Variants in NTM observed in about 807,000 individuals in gnomAD.
The protein encoded by NTM is IgLON family member 2.
Under a neutral mutation model 42.1 loss-of-function variants are expected in NTM, and 13 were observed. The observed-to-expected ratio is 0.31, with a 90% CI of 0.20 to 0.49. The LOEUF (loss-of-function observed/expected upper bound fraction) is 0.49. Among genes scored for constraint, NTM ranks in the 20% least tolerant of loss-of-function variants. The pLI, the probability that NTM is intolerant of heterozygous loss-of-function variation, is 0.99. For missense variants in NTM, 373 were observed against 452.8 expected (o/e 0.82, Z 1.60); for synonymous variants, 187 against 179.2 (o/e 1.04, Z -0.35).
chr11:131,916,012 T>C (rs1346886700), intron 2 of NTM, among the ~76,000 whole-genome samples: 1 of 152,170 alleles, frequency 6.6e-6, no homozygotes, highest in East Asian at 1.9e-4. Flanking sequence ...GACTTGGCTT[T>C]TGGGGGCTTG....
chr11:132,097,887 A>C (rs1193732493), intron 2 of NTM, among the ~76,000 whole-genome samples: 1 of 152,210 alleles, frequency 6.6e-6, no homozygotes, highest in African/African-American at 2.4e-5. Flanking sequence ...TGCTCATCAC[A>C]CTAAAGTGGA....
intron 2 of NTM, among the ~76,000 whole-genome samples, chr11:131,942,288 T>C (rs2059880461): frequency 6.6e-6 from 1 of 152,222 alleles, no homozygotes; most frequent in South Asian, 2.1e-4. Context: ...GCAATGTCCA[T>C]GCATAGAGTG....
chr11:131,828,740 T>C (rs2136506180), intron 1 of NTM, among the ~76,000 whole-genome samples: 1 of 152,264 alleles, frequency 6.6e-6, no homozygotes, highest in South Asian at 2.1e-4. Context: ...CATACAACTT[T>C]TACTCAACCA....
chr11:131,723,501 C>T lies in NTM; in HGVS notation c.83-188063C>T, dbSNP rs149437322. 5.3e-5 allele frequency among the ~76,000 whole-genome samples: 8 copies of T among 152,324 alleles called. No individual in the cohort carries two copies. The East Asian group carries it at 1.5e-3, about 29-fold the overall frequency. ...AAATAAAGATGGTAAAAGGTCACTC[C>T]TTTGTCCTTCCCTCCCTCCCTTCCT... On this transcript the variant is annotated intron_variant, in intron 1 of 8. Coordinates refer to ENST00000683400, the MANE Select transcript of NTM (RefSeq NM_001352005.2).
intron 2 of NTM, among the ~76,000 whole-genome samples, chr11:132,026,648 T>A (rs2075220440): frequency 6.6e-6 from 1 of 152,224 alleles, no homozygotes; most frequent in Admixed American, 6.5e-5. Context: ...TGCTGACAAT[T>A]CACAGATATT....
intron 3 of NTM, among the ~76,000 whole-genome samples, chr11:132,193,409 G>A (rs895753672): frequency 3.3e-5 from 5 of 151,510 alleles, no homozygotes; most frequent in African/African-American, 1.2e-4. Context: ...ATGACTTTGG[G>A]GAAAAGAATG....
intron 1 of NTM, among the ~76,000 whole-genome samples, chr11:131,440,039 T>C (rs1271011179): frequency 1.3e-5 from 2 of 151,952 alleles, no homozygotes; most frequent in Non-Finnish European, 2.9e-5. Flanking sequence ...TTTTTAATTT[T>C]CTCCTCTTAT....
At chr11:132,107,947 T>G (rs763379145) in intron 2 of NTM, among the ~76,000 whole-genome samples, 6 of 151,296 alleles carry the variant, frequency 4.0e-5, no homozygotes, top group Non-Finnish European at 7.3e-5. Context: ...ACATCTCCAC[T>G]GAGTTCCTGA....
chr11:132,147,300 G>A (rs937843736), intron 3 of NTM, among the ~76,000 whole-genome samples: 3 of 151,644 alleles, frequency 2.0e-5, no homozygotes, highest in Admixed American at 6.6e-5. Context: ...CTTCCCACAA[G>A]GCAGAACCAG....
intron 1 of NTM, among the ~76,000 whole-genome samples, chr11:131,628,684 T>C (rs2063358012): frequency 6.6e-6 from 1 of 152,232 alleles, no homozygotes; most frequent in Non-Finnish European, 1.5e-5. Context: ...CCTTCTTACC[T>C]GTCAGGAGTA....
At chr11:131,735,835 G>GGGGGGTGTGTGTGT (rs1491265028) in intron 1 of NTM, among the ~76,000 whole-genome samples, 1 of 121,298 alleles carries the variant, frequency 8.2e-6, no homozygotes, top group African/African-American at 2.7e-5. Flanking sequence ...CCATTCATAA[G>GGGGGGTGTGTGTGT]GTGTGTGTGT....
chr11:131,468,474 A>G (rs1952103924), intron 1 of NTM, among the ~76,000 whole-genome samples: 1 of 152,248 alleles, frequency 6.6e-6, no homozygotes, highest in South Asian at 2.1e-4. Flanking sequence ...CTCCACCCCA[A>G]AAGAAAGTCA....
chr11:132,286,158 T>C (rs1449239574), intron 4 of NTM, among the ~76,000 whole-genome samples: 2 of 152,224 alleles, frequency 1.3e-5, no homozygotes, highest in Non-Finnish European at 2.9e-5. Context: ...AATGCATCCA[T>C]ATATTTAAAA....
intron 1 of NTM, among the ~76,000 whole-genome samples, chr11:131,600,537 A>G (rs1386336743): frequency 2.0e-5 from 3 of 152,224 alleles, no homozygotes; most frequent in African/African-American, 7.2e-5. Flanking sequence ...AGCCTTTTAA[A>G]AAACAAAAAG....
chr11:131,735,074 CA>C (rs1397500237), intron 1 of NTM, among the ~76,000 whole-genome samples: 2 of 152,190 alleles, frequency 1.3e-5, no homozygotes, highest in African/African-American at 4.8e-5. Context: ...CTGAGGTCTC[CA>C]GAGGTGCTAG....
intron 1 of NTM, among the ~76,000 whole-genome samples, chr11:131,402,299 AC>A (rs1159304450): frequency 1.3e-5 from 2 of 152,208 alleles, no homozygotes; most frequent in African/African-American, 4.8e-5. Context: ...TTACACAAGA[AC>A]TTGTCTAGGA....
At chr11:131,492,627 G>A (rs1281343217) in intron 1 of NTM, among the ~76,000 whole-genome samples, 1 of 152,142 alleles carries the variant, frequency 6.6e-6, no homozygotes, top group African/African-American at 2.4e-5. Context: ...CCGATGCTAG[G>A]GGAACAGAAG....
At chr11:131,957,220 T>A (rs1346519672) in intron 2 of NTM, among the ~76,000 whole-genome samples, 1 of 152,212 alleles carries the variant, frequency 6.6e-6, no homozygotes, top group East Asian at 1.9e-4. Flanking sequence ...ACCAGATAAT[T>A]GTAACATATA....
At chr11:132,104,992 T>TATA (rs1341345499) in intron 2 of NTM, among the ~76,000 whole-genome samples, 1 of 111,632 alleles carries the variant, frequency 9.0e-6, no homozygotes, top group Non-Finnish European at 1.8e-5. Flanking sequence ...TATATATATA[T>TATA]TTCATGGGAA....
Sources: gnomAD v4.1 joint callset for allele counts (sites outside exome capture counted in the v4.1 genomes callset) on GRCh38, gnomAD v4.1.1 for gene constraint, MANE v1.5 for transcripts, NCBI Gene and HGNC (gene_info 2026-07-23, HGNC 2026-07-21) for gene names.